DEPDC5: variants seen among roughly 807,000 people sequenced by gnomAD.
DEPDC5 encodes the protein GATOR1 complex protein DEPDC5.
A neutral mutation model predicts 217.3 loss-of-function variants in DEPDC5; 73 were observed. The observed-to-expected ratio is 0.34, with a 90% CI of 0.28 to 0.41. The LOEUF is 0.41. Ranked by LOEUF, DEPDC5 falls within the 10% of genes least tolerant of loss-of-function variation. The probability of loss-of-function intolerance (pLI) is 1.00; values close to 1 mark genes in which losing one functional copy is unlikely to be tolerated. For synonymous variants in DEPDC5, 733 were observed against 756.7 expected, an observed-to-expected ratio of 0.97 and a Z score of 0.51; for missense variants, 1,675 against 2,070.1, an observed-to-expected ratio of 0.81 and a Z score of 3.70.
intron 38 of DEPDC5, among the ~76,000 whole-genome samples, chr22:31,889,139 G>T (rs2093382041): frequency 6.6e-6 from 1 of 152,174 alleles, no homozygotes; most frequent in African/African-American, 2.4e-5. Context: ...TATGACCTGG[G>T]TGAAGGATGC....
rs375318084 is a variant in DEPDC5 at position 31,841,498 on chromosome 22, G to T, written c.2516-1597G>T. Among the ~76,000 whole-genome samples the T allele has an allele frequency of 2.4e-4, 37 of 152,352 alleles. No homozygotes were observed. In the East Asian group the frequency reaches 5.8e-3, roughly 24 times the overall value. ...TGAAAATGAAAGTACACTCCACAGT[G>T]TGGGAGTGAGCTGGAGCATAGGGGC... is the stretch of plus-strand genomic sequence containing the variant. On this transcript the variant is annotated intron_variant, in intron 27 of 42. Coordinates refer to ENST00000651528, the MANE Select transcript of DEPDC5 (RefSeq NM_001242896.3).
At chr22:31,772,136 G>A (rs1177878848) in intron 7 of DEPDC5, among the ~76,000 whole-genome samples, 1 of 152,030 alleles carries the variant, frequency 6.6e-6, no homozygotes. Context: ...TGGGAAACAG[G>A]TTGGAGGAGC....
chr22:31,796,250 G>A (rs974543867), intron 12 of DEPDC5, among the ~76,000 whole-genome samples: 2 of 151,970 alleles, frequency 1.3e-5, no homozygotes, highest in Non-Finnish European at 2.9e-5. Context: ...ACAGGTGCCT[G>A]CCACCACACC....
chr22:31,777,994 C>T (rs553401848), intron 7 of DEPDC5, 105 bp from the exon 8 acceptor site: 94 of 1,277,588 alleles, frequency 7.4e-5, no homozygotes, highest in African/African-American at 1.3e-4. Flanking sequence ...GTAATTCGCC[C>T]GCCTTGGCTT....
Position 31,814,985 on chromosome 22 carries a change from C to G in DEPDC5, c.1446-7C>G. ...TTGATGGTAACTTTTTGTCTCTTGC[C>G]TGGCAGATCTGTGCGAGAGCGAGAG... On this transcript the variant is annotated splice_polypyrimidine_tract_variant and splice_region_variant and intron_variant, in intron 20 of 42. Coordinates refer to ENST00000651528, the MANE Select transcript of DEPDC5 (RefSeq NM_001242896.3). 3 of 1,613,910 alleles carry G rather than the reference C, an allele frequency of 1.9e-6. No individual in the cohort carries two copies.
At chr22:31,788,084 A>T (rs2085202523) in intron 10 of DEPDC5, among the ~76,000 whole-genome samples, 1 of 151,680 alleles carries the variant, frequency 6.6e-6, no homozygotes. Context: ...CATAAAAATT[A>T]AAAAATAATT....
rs71184531 is a variant in DEPDC5 at position 31,888,240 on chromosome 22, G to GTTTTTT, written c.4034-5321_4034-5316dup. Among the ~76,000 whole-genome samples the GTTTTTT allele has an allele frequency of 6.0e-5, 4 of 66,352 alleles. 1 individual carries two copies. The highest frequency in any genetic ancestry group is 1.0e-4 in the Non-Finnish European group (4 of 38,736). The allele number at this position is 66,352 out of a possible 152,430, so 43.5% of individuals were successfully genotyped here. A position where few individuals can be genotyped will look rare whatever the true frequency, so the allele number is the denominator to read the frequency against. On this transcript the variant is annotated intron_variant, in intron 38 of 42. Transcript: ENST00000651528. ...CCTTCTCAGCCTTGTTTTGTCTGTG[G>GTTTTTT]TTTTTTTTTTTTTTTTTTTTTTTTT...
At chr22:31,851,878 A>G (rs1191558340) in intron 31 of DEPDC5, among the ~76,000 whole-genome samples, 2 of 152,182 alleles carry the variant, frequency 1.3e-5, no homozygotes, top group Non-Finnish European at 2.9e-5. Flanking sequence ...GGCAAGAGGA[A>G]TCCTTTGAAA....
intron 38 of DEPDC5, among the ~76,000 whole-genome samples, chr22:31,882,756 T>C (rs2149314431): frequency 6.6e-6 from 1 of 152,252 alleles, no homozygotes; most frequent in East Asian, 1.9e-4. Context: ...TTTTTTTATT[T>C]TCTTGTTCCT....
At chr22:31,893,534 C>T in intron 38 of DEPDC5, 48 bp from the exon 39 acceptor site, 2 of 1,455,026 alleles carry the variant, frequency 1.4e-6, no homozygotes, top group South Asian at 1.5e-5. Context: ...CTTCTTCATC[C>T]CACTCCTTTT....
intron 32 of DEPDC5, 185 bp downstream of exon 32, chr22:31,857,738 T>C: frequency 2.0e-6 from 1 of 501,680 alleles, no homozygotes; most frequent in South Asian, 3.1e-5. Context: ...TATTCACAGT[T>C]GTAAGGAAGC....
At position 31,831,692 on chromosome 22, in the gene DEPDC5, C is replaced by T. The variant is rs149838881; in HGVS notation, c.2105-2223C>T. ...GCCAGGCTGGTCTCGAACTTCTGAC[C>T]TTCAGTGATCCCCCCGCCTCGGCCT... On this transcript the variant is annotated intron_variant, in intron 24 of 42. Transcript: ENST00000651528. Among the ~76,000 whole-genome samples, 527 of 152,274 alleles carry T rather than the reference C, an allele frequency of 3.5e-3. 3 individuals are homozygous for T. Among genetic ancestry groups the T allele is most frequent in the South Asian group, 0.012 (57 of 4,818 alleles).
In DEPDC5 at chr22:31,773,328, C is replaced by T. The variant is rs181630658; in HGVS notation, c.413+4465C>T. 2.6e-3 allele frequency among the ~76,000 whole-genome samples: 389 copies of T among 152,292 alleles called. 2 individuals carry two copies. Among genetic ancestry groups the T allele is most frequent in the African/African-American group, 8.0e-3 (333 of 41,566 alleles). The stretch of plus-strand genomic sequence containing the variant: ...TCAGCCTCCTGAGTAGCTAGGACTA[C>T]AAGTGCGTGCCAGCATGCCTGGCTC... On this transcript the variant is annotated intron_variant, in intron 7 of 42. Transcript: ENST00000651528.
In DEPDC5 at chr22:31,766,675, T is replaced by C. The variant is rs775985888; in HGVS notation, c.363+7T>C. On this transcript the variant is annotated splice_region_variant and intron_variant, in intron 6 of 42. Coordinates refer to ENST00000651528, the MANE Select transcript of DEPDC5 (RefSeq NM_001242896.3). ...GCGACTAAAGAAAAGTTTGGTAAGA[T>C]GTGATTTTTTTTGAAAGTCTGTTAC... The C allele has an allele frequency of 2.5e-6, 4 of 1,610,956 alleles. No individual in the cohort carries two copies. In the Admixed American group the frequency reaches 6.7e-5, roughly 27 times the overall value.
rs1159315371 is a variant in DEPDC5, at chr22:31,799,806, T to C, written c.946+1150T>C. Reference sequence around the variant, plus strand: ...TGAGCCACCATGCCCGGCCTTTTTTTTTTTTTTTTTTTTTTTTTTTGAGAC... The same window carrying C: ...TGAGCCACCATGCCCGGCCTTTTTTCTTTTTTTTTTTTTTTTTTTTGAGAC... On this transcript the variant is annotated intron_variant, in intron 14 of 42. Transcript: ENST00000651528. Among the ~76,000 whole-genome samples, 6 of 130,574 alleles carry C rather than the reference T, an allele frequency of 4.6e-5. No individual in the cohort carries two copies. In the South Asian group the frequency reaches 8.2e-4, roughly 18 times the overall value. 85.7% of individuals were successfully genotyped at this position (130,574 alleles called of 152,430 possible). A position where few individuals can be genotyped will look rare whatever the true frequency, so the allele number is the denominator to read the frequency against.
In DEPDC5 at chr22:31,845,096, G is replaced by C. The variant is rs767693306; in HGVS notation, c.2880G>C (p.Thr960=). 6.2e-7 allele frequency: 1 copy of C among 1,614,208 alleles called. No homozygotes were observed. The highest frequency in any genetic ancestry group is 1.1e-5 in the South Asian group (1 of 91,076). ...GTGTCACCGCCACCAAGCGCATCAC[G>C]GAGGGGGAGGCCCACTGCGACATCT... ...PACVTATKRI[T]EGEAHCDIYG... is the part of the protein sequence containing the mutation. Residue 960 remains threonine, a synonymous_variant, in exon 30 of 43, where the codon ACG becomes ACC. Transcript: ENST00000651528.
At chr22:31,785,501 A>G (rs1826226753) in intron 10 of DEPDC5, among the ~76,000 whole-genome samples, 1 of 152,206 alleles carries the variant, frequency 6.6e-6, no homozygotes, top group African/African-American at 2.4e-5. Flanking sequence ...CTGTGTTCAC[A>G]GGTTGAAAGA....
intron 33 of DEPDC5, among the ~76,000 whole-genome samples, chr22:31,863,089 C>G (rs1425411051): frequency 6.6e-6 from 1 of 152,084 alleles, no homozygotes; most frequent in African/African-American, 2.4e-5. Context: ...TCAAGTGATT[C>G]TCCTGCCTTG....
Position 31,765,013 on chromosome 22 carries a change from C to T in DEPDC5, c.232C>T (p.Arg78Trp), listed in dbSNP as rs202233627. The change falls in exon 5 of 43, where the codon CGG (arginine) becomes TGG (tryptophan). Residue 78 changes from arginine to tryptophan, a missense_variant. Transcript: ENST00000651528. Reference sequence around the variant, plus strand: ...GGACCAGACTGTGACTCAAGTGTTCCGGCTGAGACCTTATCAGGATGTCTA... The same window carrying T: ...GGACCAGACTGTGACTCAAGTGTTCTGGCTGAGACCTTATCAGGATGTCTA... ...SVDQTVTQVF[R>W]LRPYQDVYVN... The T allele has an allele frequency of 6.2e-6, 10 of 1,613,884 alleles. No homozygotes were observed. Among genetic ancestry groups the T allele is most frequent in the African/African-American group, 2.7e-5 (2 of 74,910 alleles).
Sources: gnomAD v4.1 joint callset for allele counts (sites outside exome capture counted in the v4.1 genomes callset) on GRCh38, gnomAD v4.1.1 for gene constraint, MANE v1.5 for transcripts, NCBI Gene and HGNC (gene_info 2026-07-23, HGNC 2026-07-21) for gene names.